The following DUSP8 variants were observed in gnomAD, a reference collection of about 807,000 sequenced individuals.
DUSP8 encodes dual specificity phosphatase 8, also known as dual specificity protein phosphatase 8.
DUSP8 carries 15 observed loss-of-function variants against 38.7 expected under a neutral mutation model. The observed-to-expected ratio is 0.39, with a 90% CI of 0.26 to 0.60. The LOEUF (loss-of-function observed/expected upper bound fraction) is 0.60. Ranked by LOEUF, DUSP8 falls within the 20% of genes least tolerant of loss-of-function variation. DUSP8 has a pLI of 0.56. For synonymous variants in DUSP8, 458 were observed against 433.9 expected (o/e 1.06, Z -0.69); for missense variants, 768 against 915.0 (o/e 0.84, Z 2.07).
intron 1 of DUSP8, chr11:1,571,551 C>G (rs1413193943): frequency 6.6e-6 from 1 of 152,244 alleles, no homozygotes; most frequent in Non-Finnish European, 1.5e-5. Flanking sequence ...ACGTCGGGGG[C>G]TCGCGCAGAT....
chr11:1,555,312 A>G lies in DUSP8; in HGVS notation c.*1206T>C. ...GAGCGGCCCCATGGGGGTGGGGGCA[A>G]ACGAGGGGGCTTTACCTGTCTTGAG... is the stretch of plus-strand genomic sequence containing the variant. On this transcript the variant is annotated 3_prime_UTR_variant, in exon 7 of 7. Coordinates refer to ENST00000397374, the MANE Select transcript of DUSP8 (RefSeq NM_004420.3). 1 of 987,840 alleles carries G rather than the reference A, an allele frequency of 1.0e-6. No homozygotes were observed. Among genetic ancestry groups the G allele is most frequent in the South Asian group, 4.7e-5 (1 of 21,376 alleles). The allele number at this position is 987,840 out of a possible 1,614,324, so 61.2% of individuals were successfully genotyped here.
chr11:1,566,028 C>T lies in DUSP8; in HGVS notation c.-108-94G>A, dbSNP rs1002771036. Reference sequence around the variant, plus strand: ...AGATCAGAGCTGGGAGCTGCGCCCACCAGGACACACCAACATGTGCCCGTG... The same window carrying T: ...AGATCAGAGCTGGGAGCTGCGCCCATCAGGACACACCAACATGTGCCCGTG... On this transcript the variant is annotated intron_variant, in intron 1 of 6. Coordinates refer to ENST00000397374, the MANE Select transcript of DUSP8 (RefSeq NM_004420.3). 4 of 574,866 alleles carry T rather than the reference C, an allele frequency of 7.0e-6. No individual in the cohort carries two copies. In the South Asian group the frequency reaches 9.0e-5, roughly 13 times the overall value. 35.6% of individuals were successfully genotyped at this position (574,866 alleles called of 1,614,324 possible). A position where few individuals can be genotyped will look rare whatever the true frequency, so the allele number is the denominator to read the frequency against.
rs749271731 is a variant in DUSP8, at chr11:1,565,814, G to C, written c.13C>G (p.Arg5Gly). Residue 5 changes from arginine (R) to glycine (G), a missense_variant, in exon 2 of 7, where the codon CGG becomes GGG. This residue lies in a region of DUSP8 where 252 missense variants were observed against 410.4 expected (regional missense o/e 0.61). Transcript: ENST00000397374. ...GCATCCATCACCTTCCTCGGGAGCC[G>C]GTCCCCAGCCATGGTGGGGCAATGG... MAGDRLPRKVMDAKK... is the reference protein window; with the variant it reads MAGDGLPRKVMDAKK... 2 of 1,605,764 alleles carry C rather than the reference G, an allele frequency of 1.2e-6. No homozygotes were observed. The highest frequency in any genetic ancestry group is 1.7e-6 in the Non-Finnish European group (2 of 1,175,384).
intron 3 of DUSP8, among the ~76,000 whole-genome samples, chr11:1,561,910 CAG>C (rs1450876441): frequency 6.6e-6 from 1 of 152,218 alleles, no homozygotes; most frequent in African/African-American, 2.4e-5. Context: ...AGCCTGAGGG[CAG>C]AGCCCGTGGG....
At position 1,565,898 on chromosome 11, in the gene DUSP8, C is replaced by T; in HGVS notation, c.-72G>A. 1 of 1,326,304 alleles carries T rather than the reference C, an allele frequency of 7.5e-7. No homozygotes were observed. Among genetic ancestry groups the T allele is most frequent in the South Asian group, 1.2e-5 (1 of 81,274 alleles). The allele number at this position is 1,326,304 out of a possible 1,614,324, so 82.2% of individuals were successfully genotyped here. A position where few individuals can be genotyped will look rare whatever the true frequency, so the allele number is the denominator to read the frequency against. ...GGCTGCTCCGACGGCCCAGGTGTGGCCTCGCGCTGGGAGTGACCTAGCACA... is the reference window on the plus strand; with the variant it reads ...GGCTGCTCCGACGGCCCAGGTGTGGTCTCGCGCTGGGAGTGACCTAGCACA... On this transcript the variant is annotated 5_prime_UTR_variant, in exon 2 of 7. Transcript: ENST00000397374.
At chr11:1,572,389 A>AGC (rs2133456601), upstream of DUSP8, among the ~76,000 whole-genome samples, 1 of 120,310 alleles carries the variant, frequency 8.3e-6, no homozygotes, top group Admixed American at 9.9e-5. This position sits in a 1 kb window ranked among gnomAD's most constrained non-coding sequence, Gnocchi z 4.7. Context: ...AGGTGACGTC[A>AGC]GCGGAGCCCG....
intron 3 of DUSP8, 103 bp downstream of exon 3, chr11:1,563,748 A>G: frequency 8.0e-7 from 1 of 1,246,334 alleles, no homozygotes; most frequent in South Asian, 1.7e-5. Context: ...ATGTATGGAG[A>G]TCCCCCCGTG....
At chr11:1,561,106 G>C (rs1365479404) in intron 3 of DUSP8, among the ~76,000 whole-genome samples, 1 of 152,114 alleles carries the variant, frequency 6.6e-6, no homozygotes, top group South Asian at 2.1e-4. Flanking sequence ...CCAGGCTCTG[G>C]GGGTGAGTGA....
At position 1,555,244 on chromosome 11, in the gene DUSP8, G is replaced by A. The variant is rs748727356; in HGVS notation, c.*1274C>T. On this transcript the variant is annotated 3_prime_UTR_variant, in exon 7 of 7. Transcript: ENST00000397374. ...TTTGGGGGCTGGCATGCCACCTAGAGAGAGAGCACCCTGGGAAAGGGGTGA... is the reference window on the plus strand; with the variant it reads ...TTTGGGGGCTGGCATGCCACCTAGAAAGAGAGCACCCTGGGAAAGGGGTGA... 37 of 987,806 alleles carry A rather than the reference G, an allele frequency of 3.7e-5. No individual in the cohort carries two copies. The highest frequency in any genetic ancestry group is 4.5e-5 in the Non-Finnish European group (37 of 830,212). 61.2% of individuals were successfully genotyped at this position (987,806 alleles called of 1,614,324 possible). A position where few individuals can be genotyped will look rare whatever the true frequency, so the allele number is the denominator to read the frequency against.
chr11:1,562,951 TG>T (rs1848745372), intron 3 of DUSP8, among the ~76,000 whole-genome samples: 1 of 152,172 alleles, frequency 6.6e-6, no homozygotes, highest in Admixed American at 6.5e-5. Flanking sequence ...GAGGTCGGCC[TG>T]GCCAAAGCGG....
chr11:1,554,508 G>T lies in DUSP8; in HGVS notation c.*2010C>A. The stretch of plus-strand genomic sequence containing the variant: ...CTCCTGCAGCACTGGAGGAGGCAGT[G>T]GCCAACACAGGACCTTCGCCCCCCT... On this transcript the variant is annotated 3_prime_UTR_variant, in exon 7 of 7. Transcript: ENST00000397374. The T allele has an allele frequency of 2.7e-6, 1 of 374,062 alleles. No homozygotes were observed. The highest frequency in any genetic ancestry group is 3.7e-6 in the Non-Finnish European group (1 of 268,850). The allele number at this position is 374,062 out of a possible 1,614,324, so 23.2% of individuals were successfully genotyped here.
Position 1,557,729 on chromosome 11 carries a change from G to A in DUSP8, c.821+65C>T. On this transcript the variant is annotated intron_variant, in intron 6 of 6. Transcript: ENST00000397374. This position sits in a 1 kb window ranked among gnomAD's most constrained non-coding sequence, Gnocchi z 9.9. ...GGACGGTGGGGTCATTCTGGTGCAA[G>A]TGGGCAGCCGGGGGAAGGGAAGCGA... The A allele has an allele frequency of 6.2e-7, 1 of 1,605,274 alleles. No individual in the cohort carries two copies. The highest frequency in any genetic ancestry group is 8.5e-7 in the Non-Finnish European group (1 of 1,176,134).
chr11:1,564,150 A>ACTCTC (rs1848765864), intron 2 of DUSP8, among the ~76,000 whole-genome samples, 161 bp from the exon 3 acceptor site: 1 of 151,740 alleles, frequency 6.6e-6, no homozygotes, highest in Non-Finnish European at 1.5e-5. Flanking sequence ...GCAGTCACAC[A>ACTCTC]CTCTCCTCCA....
rs1314417387 is a variant in DUSP8 at position 1,565,952 on chromosome 11, T to C, written c.-108-18A>G. On this transcript the variant is annotated intron_variant, in intron 1 of 6. Transcript: ENST00000397374. Reference sequence around the variant, plus strand: ...TGCTGGACCTGCAGGGACAGGGGGATGGTCAGCAGTGCTGCGGGCCCCTGG... The same window carrying C: ...TGCTGGACCTGCAGGGACAGGGGGACGGTCAGCAGTGCTGCGGGCCCCTGG... 1 of 797,930 alleles carries C rather than the reference T, an allele frequency of 1.3e-6. No homozygotes were observed. The highest frequency in any genetic ancestry group is 1.6e-5 in the South Asian group (1 of 62,002). 49.4% of individuals were successfully genotyped at this position (797,930 alleles called of 1,614,324 possible).
chr11:1,567,529 C>A (rs1848822266), intron 1 of DUSP8, among the ~76,000 whole-genome samples: 1 of 152,242 alleles, frequency 6.6e-6, no homozygotes, highest in African/African-American at 2.4e-5. Context: ...GAGCCCCAGC[C>A]TCGCACTCAC....
At chr11:1,570,842 T>C (rs1439851048) in intron 1 of DUSP8, among the ~76,000 whole-genome samples, 1 of 152,142 alleles carries the variant, frequency 6.6e-6, no homozygotes, top group Non-Finnish European at 1.5e-5. Flanking sequence ...CTGGGTGGGC[T>C]GTGCCAGAAG....
In DUSP8 at chr11:1,555,480, TGGCTGGGAGGGGGGCGG is replaced by T; in HGVS notation, c.*1021_*1037del. ...TGAATTCCAAGTTCTGCCTGGGGCA[TGGCTGGGAGGGGGGCGG>T]GGCAGACCTGGAACAGAACCCTAAG... On this transcript the variant is annotated 3_prime_UTR_variant, in exon 7 of 7. Coordinates refer to ENST00000397374, the MANE Select transcript of DUSP8 (RefSeq NM_004420.3). 1.6e-6 allele frequency: 1 copy of T among 644,860 alleles called. No homozygotes were observed. The highest frequency in any genetic ancestry group is 1.9e-6 in the Non-Finnish European group (1 of 532,610). 39.9% of individuals were successfully genotyped at this position (644,860 alleles called of 1,614,324 possible).
At chr11:1,571,041 A>G (rs1009762899) in intron 1 of DUSP8, among the ~76,000 whole-genome samples, 2 of 149,252 alleles carry the variant, frequency 1.3e-5, no homozygotes, top group East Asian at 4.0e-4. Flanking sequence ...TCACTGCAGC[A>G]CCAGAGCCCC....
Position 1,557,772 on chromosome 11 carries a change from G to C in DUSP8, c.821+22C>G, listed in dbSNP as rs773959979. Reference sequence around the variant, plus strand: ...GGAAGCGACGCTGTGAGCCACAAGTGCGCGACTGGGGAAGGTGGTACCTGT... The same window carrying C: ...GGAAGCGACGCTGTGAGCCACAAGTCCGCGACTGGGGAAGGTGGTACCTGT... On this transcript the variant is annotated intron_variant, in intron 6 of 6. Coordinates refer to ENST00000397374, the MANE Select transcript of DUSP8 (RefSeq NM_004420.3). This position sits in a 1 kb window ranked among gnomAD's most constrained non-coding sequence, Gnocchi z 9.9. 1.2e-6 allele frequency: 2 copies of C among 1,612,136 alleles called. No homozygotes were observed. The highest frequency in any genetic ancestry group is 1.7e-6 in the Non-Finnish European group (2 of 1,179,854).
Sources: allele counts gnomAD v4.1 joint callset (sites outside exome capture counted in the v4.1 genomes callset), GRCh38; gene constraint gnomAD v4.1.1; regional missense constraint gnomAD v4.1.1; non-coding constraint Gnocchi (gnomAD v3.1); transcripts MANE v1.5; gene names NCBI Gene and HGNC (gene_info 2026-07-23, HGNC 2026-07-21).